The following PTGR2 variants were observed in gnomAD, a reference collection of about 807,000 sequenced individuals.
PTGR2 encodes the protein prostaglandin reductase 2, also known as 15-oxoprostaglandin 13-reductase.
A neutral mutation model predicts 43.4 loss-of-function variants in PTGR2; 32 were observed. The ratio of observed to expected loss-of-function variants is 0.74; its 90% confidence interval spans 0.56 to 0.99. The LOEUF (loss-of-function observed/expected upper bound fraction) is 0.99. Ranked by LOEUF, PTGR2 falls within the 50% of genes least tolerant of loss-of-function variation. The probability of loss-of-function intolerance (pLI) is 0.00; values close to 1 mark genes in which losing one functional copy is unlikely to be tolerated. For missense variants in PTGR2, 373 were observed against 420.0 expected, an observed-to-expected ratio of 0.89 and a Z score of 0.98; for synonymous variants, 106 against 139.2, an observed-to-expected ratio of 0.76 and a Z score of 1.68.
chr14:73,857,557 T>C (rs1184349233), intron 1 of PTGR2, among the ~76,000 whole-genome samples: 1 of 150,856 alleles, frequency 6.6e-6, no homozygotes, highest in African/African-American at 2.4e-5. Context: ...GAGGTTGCGG[T>C]GAGCTGAGAT....
In PTGR2 at chr14:73,858,948, T is replaced by G. The variant is rs73299585; in HGVS notation, c.37+49T>G. 3,187 of 1,485,510 alleles carry G rather than the reference T, an allele frequency of 2.1e-3. 78 individuals carry two copies. In the African/African-American group the frequency reaches 0.039, roughly 18 times the overall value. The allele number at this position is 1,485,510 out of a possible 1,614,324, so 92.0% of individuals were successfully genotyped here. ...AACTCTGATCTTTGATAAGTATTAA[T>G]GCAAATGGAGGAATAAAAACTAATG... On this transcript the variant is annotated intron_variant, in intron 2 of 9. Transcript: ENST00000555661.
chr14:73,868,940 G>A (rs1178561826), intron 3 of PTGR2, among the ~76,000 whole-genome samples: 1 of 151,982 alleles, frequency 6.6e-6, no homozygotes, highest in African/African-American at 2.4e-5. Context: ...AGTTGTCTTC[G>A]TATCTATCAT....
rs774649382 is a variant in PTGR2 at position 73,881,159 on chromosome 14, C to T, written c.852-46C>T. 19 of 1,148,666 alleles carry T rather than the reference C, an allele frequency of 1.7e-5. No individual in the cohort carries two copies. The Admixed American group carries it at 2.3e-4, about 14-fold the overall frequency. 71.2% of individuals were successfully genotyped at this position (1,148,666 alleles called of 1,614,324 possible). A position where few individuals can be genotyped will look rare whatever the true frequency, so the allele number is the denominator to read the frequency against. The stretch of plus-strand genomic sequence containing the variant: ...GGAATGGTTTGATCTTGGAATACCA[C>T]TCCCGTTATATTCTCTGATCATTAT... On this transcript the variant is annotated intron_variant, in intron 7 of 9. Coordinates refer to ENST00000555661, the MANE Select transcript of PTGR2 (RefSeq NM_001146154.2).
chr14:73,868,853 G>A (rs2054662374), intron 3 of PTGR2, among the ~76,000 whole-genome samples: 1 of 150,830 alleles, frequency 6.6e-6, no homozygotes, highest in Non-Finnish European at 1.5e-5. Context: ...ACCAACTCTT[G>A]TGCTTCCCCA....
intron 6 of PTGR2, 71 bp downstream of exon 6, chr14:73,879,376 C>T: frequency 1.5e-6 from 2 of 1,356,042 alleles, no homozygotes. Flanking sequence ...TTACCTAATA[C>T]TGAGAAAAAA....
Position 73,884,319 on chromosome 14 carries a change from T to C in PTGR2, c.*142T>C, listed in dbSNP as rs1360786888. On this transcript the variant is annotated 3_prime_UTR_variant, in exon 10 of 10. Transcript: ENST00000555661. ...TGTTATTTTTAGTTGCATAGGGTAT[T>C]TGATACAATCATTAATGGATCATAC... 3 of 569,116 alleles carry C rather than the reference T, an allele frequency of 5.3e-6. No homozygotes were observed. In the East Asian group the frequency reaches 9.4e-5, roughly 18 times the overall value. 35.3% of individuals were successfully genotyped at this position (569,116 alleles called of 1,614,324 possible).
At chr14:73,862,268 C>T (rs557724573) in intron 3 of PTGR2, among the ~76,000 whole-genome samples, 61 of 151,794 alleles carry the variant, frequency 4.0e-4, no homozygotes, top group Middle Eastern at 6.8e-3. Context: ...AGTGCAGTGG[C>T]GCGATCTCGG....
At chr14:73,852,478 C>T (rs1007719047) in intron 1 of PTGR2, among the ~76,000 whole-genome samples, 1 of 152,104 alleles carries the variant, frequency 6.6e-6, no homozygotes, top group Non-Finnish European at 1.5e-5. Flanking sequence ...GTCTTGATCT[C>T]CTGACCTCGT....
At chr14:73,861,942 A>G (rs1429541811) in intron 3 of PTGR2, among the ~76,000 whole-genome samples, 2 of 149,770 alleles carry the variant, frequency 1.3e-5, no homozygotes, top group African/African-American at 2.5e-5. Flanking sequence ...CAGTGGCACT[A>G]TCTTGGCTCA....
chr14:73,857,010 G>A (rs1377785892), intron 1 of PTGR2, among the ~76,000 whole-genome samples: 1 of 152,126 alleles, frequency 6.6e-6, no homozygotes, highest in African/African-American at 2.4e-5. Flanking sequence ...AGTGGCTCAC[G>A]CCTGTAATCC....
Position 73,879,302 on chromosome 14 carries a change from T to C in PTGR2, c.726T>C (p.Ser242=), listed in dbSNP as rs1403960144. Residue 242 remains serine, a synonymous_variant, in exon 6 of 10, where the codon AGT becomes AGC. Coordinates refer to ENST00000555661, the MANE Select transcript of PTGR2 (RefSeq NM_001146154.2). ...GTAACATCAGTGATACAGTGATAAG[T>C]CAGGTTGTTTGCTGATTTCTATAAC... ...VGGNISDTVI[S]QMNENSHIIL... is the part of the protein sequence containing the mutation. 4.3e-6 allele frequency: 7 copies of C among 1,612,982 alleles called. No individual in the cohort carries two copies. The highest frequency in any genetic ancestry group is 5.9e-6 in the Non-Finnish European group (7 of 1,179,160).
chr14:73,878,700 G>A (rs1026768783), intron 5 of PTGR2: 4 of 394,532 alleles, frequency 1.0e-5, no homozygotes, highest in African/African-American at 6.4e-5. Flanking sequence ...GGTACTCTAC[G>A]GTGTACTGTG....
At position 73,884,891 on chromosome 14, in the gene PTGR2, T is replaced by C. The variant is rs1479962998; in HGVS notation, c.*714T>C. 6.6e-6 allele frequency: 1 copy of C among 152,188 alleles called. No individual in the cohort carries two copies. Among genetic ancestry groups the C allele is most frequent in the Non-Finnish European group, 1.5e-5 (1 of 68,048 alleles). 9.4% of individuals were successfully genotyped at this position (152,188 alleles called of 1,614,324 possible). A position where few individuals can be genotyped will look rare whatever the true frequency, so the allele number is the denominator to read the frequency against. On this transcript the variant is annotated 3_prime_UTR_variant, in exon 10 of 10. Transcript: ENST00000555661. The stretch of plus-strand genomic sequence containing the variant: ...TTTACTGTATAGCCTAAAAACTCCA[T>C]ATATATTGAGAAAAGCATATGTTTA...
chr14:73,866,330 G>C (rs1348611301), intron 3 of PTGR2, among the ~76,000 whole-genome samples: 3 of 151,846 alleles, frequency 2.0e-5, no homozygotes, highest in African/African-American at 7.3e-5. Context: ...GTAGAGACAG[G>C]GTTTCACCAT....
intron 8 of PTGR2, 143 bp downstream of exon 8, chr14:73,881,435 T>C (rs1041993945): frequency 1.9e-6 from 1 of 533,156 alleles, no homozygotes; most frequent in Admixed American, 3.1e-5. Flanking sequence ...ATAAATTAAC[T>C]CTACCTCCCA....
chr14:73,878,802 A>G, intron 5 of PTGR2: 2 of 374,830 alleles, frequency 5.3e-6, no homozygotes, highest in South Asian at 5.1e-5. Flanking sequence ...AGGTATATTA[A>G]ATGCATTTTT....
At position 73,880,121 on chromosome 14, in the gene PTGR2, C is replaced by G; in HGVS notation, c.796C>G (p.Pro266Ala). Residue 266 changes from proline (P) to alanine (A), a missense_variant, in exon 7 of 10, where the codon CCT (proline) becomes GCT (alanine). Pro to Ala is a conservative substitution (Grantham distance 27, BLOSUM62 -1). Transcript: ENST00000555661. ...ISQYNKDVPY[P>A]PPLSPAIEAI... ...TCAGTACAACAAAGATGTGCCTTATCCTCCCCCGCTATCCCCTGCTATAGA... is the reference window on the plus strand; with the variant it reads ...TCAGTACAACAAAGATGTGCCTTATGCTCCCCCGCTATCCCCTGCTATAGA... 1 of 1,613,886 alleles carries G rather than the reference C, an allele frequency of 6.2e-7. No individual in the cohort carries two copies. The highest frequency in any genetic ancestry group is 8.5e-7 in the Non-Finnish European group (1 of 1,179,860).
intron 7 of PTGR2, among the ~76,000 whole-genome samples, chr14:73,880,906 C>G (rs2054971881): frequency 6.6e-6 from 1 of 152,290 alleles, no homozygotes; most frequent in South Asian, 2.1e-4. Context: ...AAGCGATTCT[C>G]CTGTCTCAGC....
intron 3 of PTGR2, among the ~76,000 whole-genome samples, chr14:73,873,803 G>A (rs2054792502): frequency 6.6e-6 from 1 of 152,102 alleles, no homozygotes; most frequent in Non-Finnish European, 1.5e-5. Flanking sequence ...GTTAGCCACT[G>A]TTCCCAGCCA....
Sources: allele counts gnomAD v4.1 joint callset (sites outside exome capture counted in the v4.1 genomes callset), GRCh38; gene constraint gnomAD v4.1.1; transcripts MANE v1.5; gene names NCBI Gene and HGNC (gene_info 2026-07-23, HGNC 2026-07-21).